The following CD1B variants were observed in gnomAD, a reference collection of about 807,000 sequenced individuals.
CD1B encodes T-cell surface glycoprotein CD1b.
In CD1B, 43 loss-of-function variants were observed where a neutral mutation model predicts 39.8. That is an observed-to-expected ratio of 1.08 (90% confidence interval 0.85 to 1.39). CD1B has a LOEUF of 1.39. CD1B is among the 40% of genes most tolerant of loss of function. CD1B has a pLI of 0.00. For missense variants in CD1B, 495 were observed against 403.8 expected (o/e 1.23, Z -1.94); for synonymous variants, 192 against 152.5 (o/e 1.26, Z -1.91).
At chr1:158,328,351 G>T in intron 5 of CD1B, 94 bp from the exon 6 acceptor site, 1 of 1,005,602 alleles carries the variant, frequency 9.9e-7, no homozygotes, top group Non-Finnish European at 1.5e-6. Context: ...AAAAGTGAAA[G>T]CAACCCAAGT....
chr1:158,293,579 C>T, the CD1B span: 2 of 1,613,384 alleles, frequency 1.2e-6, no homozygotes, highest in Admixed American at 1.7e-5. Context: ...TAAATTGTTT[C>T]TCTTTCTGCA....
intron 2 of CD1B, 44 bp from the exon 3 acceptor site, chr1:158,330,174 A>C (rs1013466989): frequency 6.6e-7 from 1 of 1,520,470 alleles, no homozygotes; most frequent in Middle Eastern, 1.8e-4. Context: ...CACAAATAAG[A>C]AAAAAAGGCA....
At chr1:158,321,507 A>G in the CD1B span, among the ~76,000 whole-genome samples, 4 of 152,330 alleles carry the variant, frequency 2.6e-5, no homozygotes, top group Middle Eastern at 6.8e-3. Context: ...TTTACATTCA[A>G]GGTAACTACC....
chr1:158,287,066 C>T, the CD1B span, among the ~76,000 whole-genome samples: 2 of 152,094 alleles, frequency 1.3e-5, no homozygotes, highest in Non-Finnish European at 2.9e-5. Flanking sequence ...TCAGCATTGC[C>T]TGAAATAAGT....
the CD1B span, chr1:158,293,060 T>C: frequency 1.0e-5 from 9 of 865,934 alleles, no homozygotes; most frequent in South Asian, 1.5e-4. Flanking sequence ...AAATGAGGAA[T>C]CCTTCCTTGA....
chr1:158,303,705 T>C, the CD1B span, among the ~76,000 whole-genome samples: 33 of 152,010 alleles, frequency 2.2e-4, no homozygotes, highest in Non-Finnish European at 3.5e-4. Context: ...CTTAGGAATA[T>C]AGCTAACCAA....
At chr1:158,294,255 A>G in the CD1B span, among the ~76,000 whole-genome samples, 4 of 152,240 alleles carry the variant, frequency 2.6e-5, no homozygotes, top group Non-Finnish European at 5.9e-5. Flanking sequence ...TGTGCTGTAT[A>G]TGGAAGACAA....
chr1:158,320,925 C>T, the CD1B span, among the ~76,000 whole-genome samples: 5 of 152,248 alleles, frequency 3.3e-5, no homozygotes, highest in African/African-American at 1.2e-4. Flanking sequence ...TGCAGCTTAA[C>T]ATAAGATATA....
At chr1:158,290,906 A>G in the CD1B span, among the ~76,000 whole-genome samples, 4 of 152,160 alleles carry the variant, frequency 2.6e-5, no homozygotes, top group Non-Finnish European at 4.4e-5. Context: ...AGATGGATCA[A>G]TGAAGAAGCC....
downstream of CD1B, among the ~76,000 whole-genome samples, chr1:158,326,812 T>C (rs1412583294): frequency 6.6e-6 from 1 of 152,010 alleles, no homozygotes; most frequent in Non-Finnish European, 1.5e-5. Flanking sequence ...ATTATTATTT[T>C]TGGAGACAGG....
downstream of CD1B, among the ~76,000 whole-genome samples, chr1:158,326,422 G>C (rs1365447691): frequency 6.6e-6 from 1 of 152,132 alleles, no homozygotes; most frequent in Non-Finnish European, 1.5e-5. Context: ...ATAAAAATGA[G>C]AGAAGAATCC....
chr1:158,286,160 C>T, the CD1B span, among the ~76,000 whole-genome samples: 1 of 152,124 alleles, frequency 6.6e-6, no homozygotes, highest in Non-Finnish European at 1.5e-5. Flanking sequence ...TGGGGAAGGA[C>T]AGGAAGAGCA....
At chr1:158,296,976 G>A in the CD1B span, among the ~76,000 whole-genome samples, 1 of 152,130 alleles carries the variant, frequency 6.6e-6, no homozygotes, top group Admixed American at 6.5e-5. Flanking sequence ...TGTACTCACT[G>A]ATGTCCCTGA....
At chr1:158,309,913 A>G in the CD1B span, among the ~76,000 whole-genome samples, 2 of 152,010 alleles carry the variant, frequency 1.3e-5, no homozygotes, top group Admixed American at 1.3e-4. Flanking sequence ...GCACAACAAC[A>G]TGGCACATGT....
chr1:158,291,202 G>A, the CD1B span: 1 of 1,613,842 alleles, frequency 6.2e-7, no homozygotes, highest in Non-Finnish European at 8.5e-7. Context: ...CTGGGCACGA[G>A]GTCAGGGCTC....
the CD1B span, among the ~76,000 whole-genome samples, chr1:158,293,056 G>C: frequency 6.6e-6 from 1 of 152,126 alleles, no homozygotes; most frequent in South Asian, 2.1e-4. Flanking sequence ...GGGGAAATGA[G>C]GAATCCTTCC....
the CD1B span, chr1:158,292,239 G>A: frequency 1.2e-6 from 2 of 1,614,166 alleles, no homozygotes; most frequent in Non-Finnish European, 1.7e-6. Flanking sequence ...GGCCCAAAGT[G>A]TCTGTCATCT....
At chr1:158,297,036 T>C in the CD1B span, among the ~76,000 whole-genome samples, 1 of 152,142 alleles carries the variant, frequency 6.6e-6, no homozygotes, top group Non-Finnish European at 1.5e-5. Flanking sequence ...TATGAGGATA[T>C]TGTCCATGAC....
chr1:158,321,353 A>C, the CD1B span, among the ~76,000 whole-genome samples: 2 of 152,168 alleles, frequency 1.3e-5, no homozygotes, highest in African/African-American at 4.8e-5. Flanking sequence ...CTCCATTTGC[A>C]TGGAATATCT....
Sources: allele counts gnomAD v4.1 joint callset (sites outside exome capture counted in the v4.1 genomes callset), GRCh38; gene constraint gnomAD v4.1.1; transcripts MANE v1.5; gene names NCBI Gene and HGNC (gene_info 2026-07-23, HGNC 2026-07-21).